KLHL13: variants seen among roughly 807,000 people sequenced by gnomAD.
KLHL13 encodes kelch like family member 13.
KLHL13 carries 10 observed loss-of-function variants against 37.1 expected under a neutral mutation model. That is an observed-to-expected ratio of 0.27 (90% CI 0.17 to 0.46). The LOEUF is 0.46. Among genes scored for constraint, KLHL13 ranks in the 20% least tolerant of loss-of-function variants. KLHL13 has a pLI of 1.00. For missense variants in KLHL13, 360 were observed against 509.3 expected (o/e 0.71, Z 2.82); for synonymous variants, 163 against 181.2 (o/e 0.90, Z 0.81).
chrX:118,084,063 T>G (rs1189417129), intron 1 of KLHL13, among the ~76,000 whole-genome samples: 3 of 111,316 alleles, frequency 2.7e-5, no homozygotes, highest in Non-Finnish European at 5.7e-5. Context: ...CTCATGCCTA[T>G]AATCCCAACA....
At chrX:118,076,219 G>C (rs1308053637) in intron 1 of KLHL13, among the ~76,000 whole-genome samples, 2 of 111,747 alleles carry the variant, frequency 1.8e-5, no homozygotes, top group Admixed American at 9.5e-5. Flanking sequence ...CATAAGAAGA[G>C]AATGTTGTAA....
chrX:117,994,505 GTTTCCC>G (rs1400032494), intron 1 of KLHL13, among the ~76,000 whole-genome samples: 2 of 110,945 alleles, frequency 1.8e-5, no homozygotes, highest in East Asian at 5.7e-4. Context: ...TCCATCCTCG[GTTTCCC>G]AAAGTGCTGG....
At chrX:118,087,710 C>A (rs1443606560) in intron 1 of KLHL13, among the ~76,000 whole-genome samples, 1 of 111,311 alleles carries the variant, frequency 9.0e-6, no homozygotes. Flanking sequence ...TGGGAAAGGT[C>A]ACTTTCTACC....
intron 1 of KLHL13, among the ~76,000 whole-genome samples, chrX:118,089,622 G>GAAAA (rs2055101298): frequency 1.6e-5 from 1 of 60,870 alleles, no homozygotes; most frequent in African/African-American, 5.6e-5. Context: ...GAAAGAAAGA[G>GAAAA]AAAGAAAGAA....
chrX:118,071,221 G>A lies in KLHL13; in HGVS notation c.-56+45287C>T, dbSNP rs1464353116. The stretch of plus-strand genomic sequence containing the variant: ...GAATAATGCCGCAATAAACATACGT[G>A]TGCATGTGTCTTTATAGCGGCATGA... On this transcript the variant is annotated intron_variant, in intron 1 of 6. Coordinates refer to the KLHL13 transcript ENST00000371882. Among the ~76,000 whole-genome samples the A allele has an allele frequency of 4.5e-5, 5 of 111,547 alleles. No homozygotes were observed. The South Asian group carries it at 1.5e-3, about 34-fold the overall frequency.
At chrX:118,054,234 T>C (rs1415089452) in intron 1 of KLHL13, among the ~76,000 whole-genome samples, 1 of 111,059 alleles carries the variant, frequency 9.0e-6, no homozygotes, top group Non-Finnish European at 1.9e-5. Flanking sequence ...TTCCAAAGGG[T>C]AAAATTCTTA....
At chrX:117,926,460 AC>A (rs1932024551) in intron 2 of KLHL13, among the ~76,000 whole-genome samples, 1 of 111,258 alleles carries the variant, frequency 9.0e-6, no homozygotes, top group Non-Finnish European at 1.9e-5. Flanking sequence ...TGCAGAAAGA[AC>A]CGCCAAAAAA....
chrX:117,959,461 T>G (rs2053255554), intron 1 of KLHL13, among the ~76,000 whole-genome samples: 1 of 112,527 alleles, frequency 8.9e-6, no homozygotes, highest in South Asian at 3.6e-4. Context: ...AGAAGAGCTC[T>G]GATATAATCA....
chrX:118,089,618 A>G lies in KLHL13; in HGVS notation c.-56+26890T>C, dbSNP rs201310135. Among the ~76,000 whole-genome samples the G allele has an allele frequency of 2.7e-3, 135 of 49,417 alleles. 1 individual carries two copies. The highest frequency in any genetic ancestry group is 6.8e-3 in the African/African-American group (75 of 10,962). 42.9% of individuals were successfully genotyped at this position (49,417 alleles called of 115,157 possible). On this transcript the variant is annotated intron_variant, in intron 1 of 6. Transcript: ENST00000371882. ...AGAGAGAGAGAGAGAGAGAGAAAGAAAGAGAAAGAAAGAAAGAAAGAAAGA... is the reference window on the plus strand; with the variant it reads ...AGAGAGAGAGAGAGAGAGAGAAAGAGAGAGAAAGAAAGAAAGAAAGAAAGA...
chrX:118,010,876 C>A (rs1170110841), intron 1 of KLHL13, among the ~76,000 whole-genome samples: 1 of 109,279 alleles, frequency 9.2e-6, no homozygotes, highest in Non-Finnish European at 1.9e-5. Context: ...AGTTGAAGAC[C>A]AGCCTGGGCA....
intron 1 of KLHL13, among the ~76,000 whole-genome samples, chrX:118,111,030 A>G (rs2055404733): frequency 8.9e-6 from 1 of 112,213 alleles, no homozygotes; most frequent in African/African-American, 3.2e-5. Flanking sequence ...TTACATGGTA[A>G]CTATTATGAG....
rs148457363 is a variant in KLHL13, at chrX:118,091,833, C to T, written c.-56+24675G>A. 5.5e-3 allele frequency among the ~76,000 whole-genome samples: 618 copies of T among 111,471 alleles called. 4 individuals carry two copies. The highest frequency in any genetic ancestry group is 0.019 in the African/African-American group (596 of 30,691). On this transcript the variant is annotated intron_variant, in intron 1 of 6. Transcript: ENST00000371882. ...AAAGAAAATGTGGAGATACACAACA[C>T]ACACACACCATGGAATACTACTCAG...
chrX:118,064,856 T>C lies in KLHL13; in HGVS notation c.-56+51652A>G, dbSNP rs181993382. On this transcript the variant is annotated intron_variant, in intron 1 of 6. Transcript: ENST00000371882. ...ACGCCTACTTCTCAAAGGGTGGCTATAAGGTCTGAATGAAATAAAATATGT... is the reference window on the plus strand; with the variant it reads ...ACGCCTACTTCTCAAAGGGTGGCTACAAGGTCTGAATGAAATAAAATATGT... Among the ~76,000 whole-genome samples the C allele has an allele frequency of 1.7e-3, 193 of 111,259 alleles. 2 individuals carry two copies. The highest frequency in any genetic ancestry group is 4.0e-4 in the Non-Finnish European group (21 of 52,919).
intron 1 of KLHL13, among the ~76,000 whole-genome samples, chrX:118,008,407 G>T (rs1162385565): frequency 9.0e-6 from 1 of 111,612 alleles, no homozygotes; most frequent in Non-Finnish European, 1.9e-5. Flanking sequence ...CGCCATAGGT[G>T]GCTATTACAA....
At chrX:118,108,981 A>AT (rs1192610094) in intron 1 of KLHL13, among the ~76,000 whole-genome samples, 2 of 109,623 alleles carry the variant, frequency 1.8e-5, no homozygotes, top group South Asian at 3.9e-4. Flanking sequence ...TAATTTTTAA[A>AT]TTTTTTTTTG....
At chrX:118,065,780 T>C (rs1206422654) in intron 1 of KLHL13, among the ~76,000 whole-genome samples, 1 of 111,312 alleles carries the variant, frequency 9.0e-6, no homozygotes, top group Non-Finnish European at 1.9e-5. Context: ...TACATAGAAG[T>C]AAAAGAAACT....
At chrX:117,937,174 T>C (rs1330518193) in intron 2 of KLHL13, among the ~76,000 whole-genome samples, 1 of 112,230 alleles carries the variant, frequency 8.9e-6, no homozygotes, top group Non-Finnish European at 1.9e-5. Context: ...TTCTCTAGCT[T>C]GTTCTCTTGA....
chrX:117,938,343 G>A (rs1378446113), intron 2 of KLHL13, among the ~76,000 whole-genome samples: 1 of 110,824 alleles, frequency 9.0e-6, no homozygotes, highest in African/African-American at 3.3e-5. Context: ...AATATATAGG[G>A]AGAAAAGAAA....
intron 1 of KLHL13, among the ~76,000 whole-genome samples, chrX:118,079,906 T>C (rs986351447): frequency 3.2e-4 from 35 of 110,947 alleles, no homozygotes; most frequent in African/African-American, 1.0e-3. Context: ...ATAACCAAAA[T>C]AGCATAGTAC....
Sources: allele counts gnomAD v4.1 joint callset (sites outside exome capture counted in the v4.1 genomes callset), GRCh38; gene constraint gnomAD v4.1.1; transcripts MANE v1.5; gene names NCBI Gene and HGNC (gene_info 2026-07-23, HGNC 2026-07-21).